Variants in HEPACAM observed in about 807,000 individuals in gnomAD.
HEPACAM encodes hepatocyte cell adhesion molecule.
Under a neutral mutation model 38.3 loss-of-function variants are expected in HEPACAM, and 18 were observed. The ratio of observed to expected loss-of-function variants is 0.47; its 90% CI spans 0.33 to 0.70. HEPACAM has a LOEUF of 0.70. Ranked by LOEUF, HEPACAM falls within the 30% of genes least tolerant of loss-of-function variation. The pLI, the probability that HEPACAM is intolerant of heterozygous loss-of-function variation, is 0.03. For synonymous variants in HEPACAM, 216 were observed against 243.1 expected (o/e 0.89, Z 1.04); for missense variants, 466 against 563.0 (o/e 0.83, Z 1.74).
chr11:124,927,329 G>T (rs2135402340), intron 1 of HEPACAM, among the ~76,000 whole-genome samples: 1 of 151,390 alleles, frequency 6.6e-6, no homozygotes, highest in Middle Eastern at 3.4e-3. Context: ...AAGATCTCTA[G>T]GGGGGCTTCT....
chr11:124,934,813 T>C (rs1947322607), intron 1 of HEPACAM, among the ~76,000 whole-genome samples: 1 of 152,154 alleles, frequency 6.6e-6, no homozygotes, highest in Admixed American at 6.5e-5. Flanking sequence ...CCCTGCAGAC[T>C]GAGTAAGCTA....
chr11:124,922,437 C>T lies in HEPACAM; in HGVS notation c.899G>A (p.Gly300Asp). 1 of 1,614,178 alleles carries T rather than the reference C, an allele frequency of 6.2e-7. No individual in the cohort carries two copies. The change falls in exon 6 of 7, where the codon GGT (glycine) becomes GAT (aspartate). Residue 300 changes from glycine to aspartate, a missense_variant. Coordinates refer to ENST00000298251, the MANE Select transcript of HEPACAM (RefSeq NM_152722.5). ...KPEADTLPRS[G>D]EQERKNPMAL... is the part of the protein sequence containing the mutation. ...CATGGGGTTCTTCCGTTCCTGCTCA[C>T]CACTTCGAGGGAGGGTGTCTGCTGC...
chr11:124,920,405 T>C lies in HEPACAM; in HGVS notation c.*733A>G. 2 of 1,548,528 alleles carry C rather than the reference T, an allele frequency of 1.3e-6. No individual in the cohort carries two copies. The highest frequency in any genetic ancestry group is 8.7e-7 in the Non-Finnish European group (1 of 1,146,258). On this transcript the variant is annotated 3_prime_UTR_variant, in exon 7 of 7. Coordinates refer to ENST00000298251, the MANE Select transcript of HEPACAM (RefSeq NM_152722.5). ...GACAGAAAGAGTGCTTGGCATGGCA[T>C]GCCTCCGAGGGAGGCTGTGGGAGGA...
intron 4 of HEPACAM, 26 bp downstream of exon 4, chr11:124,923,314 C>T: frequency 6.9e-7 from 1 of 1,450,112 alleles, no homozygotes; most frequent in Non-Finnish European, 9.7e-7. Flanking sequence ...TTGAAGGACT[C>T]AGGTGCTCAG....
At chr11:124,929,984 C>CCAT (rs1444245347) in intron 1 of HEPACAM, among the ~76,000 whole-genome samples, 3 of 152,098 alleles carry the variant, frequency 2.0e-5, no homozygotes, top group Admixed American at 2.0e-4. Context: ...CACACCTTAT[C>CCAT]CATATTCCCT....
intron 1 of HEPACAM, among the ~76,000 whole-genome samples, chr11:124,934,143 G>A (rs1191073839): frequency 6.6e-6 from 1 of 152,048 alleles, no homozygotes; most frequent in East Asian, 1.9e-4. Flanking sequence ...AAACATGTAT[G>A]ATACTCATTT....
chr11:124,922,766 C>T lies in HEPACAM; in HGVS notation c.856G>A (p.Asp286Asn). ...QNSLEYMDQNDDRLKPEADTL... is the reference protein window; with the variant it reads ...QNSLEYMDQNNDRLKPEADTL... ...TCACCTTCTGGTTTCAGGCGGTCAT[C>T]ATTCTGATCCATGTATTCCAGGGAG... The change falls in exon 5 of 7, where the codon GAT becomes AAT. Residue 286 changes from aspartate (D) to asparagine (N), a missense_variant. Coordinates refer to ENST00000298251, the MANE Select transcript of HEPACAM (RefSeq NM_152722.5). 6.2e-7 allele frequency: 1 copy of T among 1,614,196 alleles called. No individual in the cohort carries two copies. The highest frequency in any genetic ancestry group is 8.5e-7 in the Non-Finnish European group (1 of 1,180,020).
intron 1 of HEPACAM, among the ~76,000 whole-genome samples, chr11:124,934,738 C>T (rs1947321779): frequency 6.6e-6 from 1 of 151,984 alleles, no homozygotes; most frequent in African/African-American, 2.4e-5. Context: ...GTTATAGGAG[C>T]CCTAGAAAAT....
At chr11:124,927,025 C>A (rs1014588793) in intron 1 of HEPACAM, among the ~76,000 whole-genome samples, 5 of 152,064 alleles carry the variant, frequency 3.3e-5, no homozygotes, top group Non-Finnish European at 7.4e-5. Flanking sequence ...CCCGCCACCA[C>A]GCCCGGCCAA....
intron 1 of HEPACAM, among the ~76,000 whole-genome samples, chr11:124,929,169 A>T (rs1056832768): frequency 2.0e-5 from 3 of 152,118 alleles, no homozygotes; most frequent in African/African-American, 7.2e-5. Flanking sequence ...CCTTTTTGCT[A>T]TGTATTTCTC....
At position 124,920,546 on chromosome 11, in the gene HEPACAM, A is replaced by C; in HGVS notation, c.*592T>G. ...GTAGGTCCCCAGGTACCAGGTGCCCAGGGAAGAAGGCCTTCACAATGATCC... is the reference window on the plus strand; with the variant it reads ...GTAGGTCCCCAGGTACCAGGTGCCCCGGGAAGAAGGCCTTCACAATGATCC... On this transcript the variant is annotated 3_prime_UTR_variant, in exon 7 of 7. Transcript: ENST00000298251. 7.2e-7 allele frequency: 1 copy of C among 1,386,712 alleles called. No individual in the cohort carries two copies. The highest frequency in any genetic ancestry group is 9.5e-7 in the Non-Finnish European group (1 of 1,051,226). The allele number at this position is 1,386,712 out of a possible 1,614,324, so 85.9% of individuals were successfully genotyped here.
chr11:124,925,559 T>C (rs1947197524), intron 1 of HEPACAM, among the ~76,000 whole-genome samples: 2 of 152,140 alleles, frequency 1.3e-5, no homozygotes, highest in South Asian at 2.1e-4. Context: ...GGAGAAAGCA[T>C]GGAACACAGA....
At chr11:124,934,855 C>G (rs1486361961) in intron 1 of HEPACAM, among the ~76,000 whole-genome samples, 1 of 152,102 alleles carries the variant, frequency 6.6e-6, no homozygotes, top group East Asian at 1.9e-4. Flanking sequence ...TGACAGTCCC[C>G]AAATTAAAAA....
rs1393235241 is a variant in HEPACAM at position 124,924,559 on chromosome 11, A to G, written c.427+169T>C. The G allele has an allele frequency of 2.7e-6, 2 of 740,400 alleles. No individual in the cohort carries two copies. Among genetic ancestry groups the G allele is most frequent in the Non-Finnish European group, 4.9e-6 (2 of 405,872 alleles). The allele number at this position is 740,400 out of a possible 1,614,324, so 45.9% of individuals were successfully genotyped here. On this transcript the variant is annotated intron_variant, in intron 2 of 6. Transcript: ENST00000298251. The surrounding 1 kb of genome is among the most constrained non-coding windows in gnomAD (Gnocchi z 4.4). The stretch of plus-strand genomic sequence containing the variant: ...TTCTGGCACATGGCAATCACTCTAC[A>G]TGTTAGCTGTGCTGTGCCTGTCTGC...
At position 124,920,678 on chromosome 11, in the gene HEPACAM, CAAAAAAAAAAAA is replaced by C. The variant is rs71042463; in HGVS notation, c.*448_*459del. The C allele has an allele frequency of 1.0e-3, 590 of 575,230 alleles. 3 individuals carry two copies. In the African/African-American group the frequency reaches 0.019, roughly 18 times the overall value. The allele number at this position is 575,230 out of a possible 1,614,324, so 35.6% of individuals were successfully genotyped here. A position where few individuals can be genotyped will look rare whatever the true frequency, so the allele number is the denominator to read the frequency against. On this transcript the variant is annotated 3_prime_UTR_variant, in exon 7 of 7. Coordinates refer to ENST00000298251, the MANE Select transcript of HEPACAM (RefSeq NM_152722.5). The stretch of plus-strand genomic sequence containing the variant: ...AAGTGGCCTCTCTAATCTGAACTTG[CAAAAAAAAAAAA>C]AAAAAAAAAAAAAAAAAAAGTGCCC...
At position 124,923,858 on chromosome 11, in the gene HEPACAM, G is replaced by A. The variant is rs1357597070; in HGVS notation, c.580C>T (p.Leu194Phe). 11 of 1,614,034 alleles carry A rather than the reference G, an allele frequency of 6.8e-6. No homozygotes were observed. The highest frequency in any genetic ancestry group is 9.3e-6 in the Non-Finnish European group (11 of 1,180,052). The change falls in exon 3 of 7, where the codon CTC becomes TTC. Residue 194 changes from leucine to phenylalanine, a missense_variant. Transcript: ENST00000298251. Reference sequence around the variant, plus strand: ...AGCACCTTTTGGTCGGGGGACAGGAGCATTCTCGAGTCATTGAGGAGGGGC... The same window carrying A: ...AGCACCTTTTGGTCGGGGGACAGGAACATTCTCGAGTCATTGAGGAGGGGC... ...GKPLLNDSRMLLSPDQKVLTI... is the reference protein window; with the variant it reads ...GKPLLNDSRMFLSPDQKVLTI...
chr11:124,923,226 G>A (rs949149472), intron 4 of HEPACAM, 114 bp downstream of exon 4: 80 of 805,612 alleles, frequency 9.9e-5, no homozygotes, highest in Non-Finnish European at 1.3e-4. Flanking sequence ...TGGATCTCTC[G>A]GAAAGAGATG....
intron 1 of HEPACAM, among the ~76,000 whole-genome samples, chr11:124,926,876 A>T (rs903000389): frequency 9.3e-5 from 14 of 150,242 alleles, no homozygotes; most frequent in African/African-American, 3.2e-4. Context: ...CAAAAAAAAA[A>T]TTTTTTTTTT....
In HEPACAM at chr11:124,919,373, C is replaced by A; in HGVS notation, c.*1765G>T. On this transcript the variant is annotated 3_prime_UTR_variant, in exon 7 of 7. Coordinates refer to ENST00000298251, the MANE Select transcript of HEPACAM (RefSeq NM_152722.5). ...ACTTCCTTACTTACCCCTCCCCACC[C>A]CCAATTTAAGGCAGATTTGGCTTAA... 1 of 233,476 alleles carries A rather than the reference C, an allele frequency of 4.3e-6. No individual in the cohort carries two copies. The highest frequency in any genetic ancestry group is 8.3e-6 in the Non-Finnish European group (1 of 120,864). The allele number at this position is 233,476 out of a possible 1,614,324, so 14.5% of individuals were successfully genotyped here.
Sources: allele counts gnomAD v4.1 joint callset (sites outside exome capture counted in the v4.1 genomes callset), GRCh38; gene constraint gnomAD v4.1.1; non-coding constraint Gnocchi (gnomAD v3.1); transcripts MANE v1.5; gene names NCBI Gene and HGNC (gene_info 2026-07-23, HGNC 2026-07-21).